MGLL: variants seen among roughly 807,000 people sequenced by gnomAD.
MGLL encodes lysophospholipase homolog.
Under a neutral mutation model 29.1 loss-of-function variants are expected in MGLL, and 7 were observed. The ratio of observed to expected loss-of-function variants is 0.24; its 90% CI spans 0.14 to 0.45. The LOEUF (loss-of-function observed/expected upper bound fraction) is 0.45, where lower values mean the gene tolerates loss of function less well. Ranked by LOEUF, MGLL falls within the 20% of genes least tolerant of loss-of-function variation. The pLI, the probability that MGLL is intolerant of heterozygous loss-of-function variation, is 0.99. For missense variants in MGLL, 356 were observed against 413.6 expected (o/e 0.86, Z 1.21); for synonymous variants, 148 against 168.3 (o/e 0.88, Z 0.93).
chr3:127,787,850 C>T (rs535116207), intron 2 of MGLL, among the ~76,000 whole-genome samples: 2 of 152,346 alleles, frequency 1.3e-5, no homozygotes, highest in East Asian at 1.9e-4. Context: ...GCACGTCTGC[C>T]GTCCGGGCTG....
chr3:127,726,137 A>C (rs1379980662), intron 3 of MGLL, among the ~76,000 whole-genome samples: 1 of 24,562 alleles, frequency 4.1e-5, no homozygotes, highest in East Asian at 7.7e-4. Flanking sequence ...AGAAAGAAAG[A>C]AAGAAAGAAA....
intron 2 of MGLL, among the ~76,000 whole-genome samples, chr3:127,789,546 C>T (rs528031237): frequency 3.3e-5 from 5 of 152,204 alleles, no homozygotes; most frequent in African/African-American, 9.6e-5. Flanking sequence ...CCCATCTCTA[C>T]AAAAACATTT....
intron 2 of MGLL, among the ~76,000 whole-genome samples, chr3:127,821,155 T>C (rs530107402): frequency 6.6e-6 from 1 of 152,340 alleles, no homozygotes; most frequent in East Asian, 1.9e-4. Flanking sequence ...TCCCAATGTT[T>C]GCTTCTAATA....
upstream of MGLL, chr3:127,822,681 A>C: frequency 3.2e-6 from 1 of 310,812 alleles, no homozygotes; most frequent in Non-Finnish European, 6.0e-6. Flanking sequence ...GCAGACGCAC[A>C]AATGCGGGTG....
intron 7 of MGLL, among the ~76,000 whole-genome samples, chr3:127,693,137 T>C (rs561442631): frequency 6.6e-6 from 1 of 152,330 alleles, no homozygotes; most frequent in Admixed American, 6.5e-5. Context: ...CCAGGTGGAC[T>C]CCAGCCGTTG....
At chr3:127,722,625 C>T in intron 3 of MGLL, 59 bp from the exon 4 acceptor site, 1 of 1,610,164 alleles carries the variant, frequency 6.2e-7, no homozygotes, top group African/African-American at 1.3e-5. Flanking sequence ...CCTACACAAG[C>T]CCAGAGTTCT....
chr3:127,809,637 A>AT (rs2077627102), intron 2 of MGLL, among the ~76,000 whole-genome samples: 1 of 109,030 alleles, frequency 9.2e-6, no homozygotes, highest in African/African-American at 3.3e-5. Context: ...TAAAACAACA[A>AT]TAAAAAAAAA....
At position 127,761,834 on chromosome 3, in the gene MGLL, T is replaced by C. The variant is rs117085080; in HGVS notation, c.262+19955A>G. 5.9e-5 allele frequency among the ~76,000 whole-genome samples: 9 copies of C among 152,268 alleles called. No individual in the cohort carries two copies. In the East Asian group the frequency reaches 1.7e-3, roughly 29 times the overall value. ...CATTCTCAAATGCCCAGACAAGCAC[T>C]AAATATGCGTAGTGCACCCAGCGCA... On this transcript the variant is annotated intron_variant, in intron 3 of 7. Coordinates refer to ENST00000265052, the MANE Select transcript of MGLL (RefSeq NM_007283.7). This position sits in a 1 kb window ranked among gnomAD's most constrained non-coding sequence, Gnocchi z 4.6.
At chr3:127,821,383 T>G (rs2077856505) in intron 2 of MGLL, among the ~76,000 whole-genome samples, 1 of 152,156 alleles carries the variant, frequency 6.6e-6, no homozygotes, top group African/African-American at 2.4e-5. Context: ...TGATTTTAAA[T>G]GAATGCCTGT....
At chr3:127,701,918 C>T (rs570480514) in intron 6 of MGLL, among the ~76,000 whole-genome samples, 4 of 152,212 alleles carry the variant, frequency 2.6e-5, no homozygotes, top group African/African-American at 4.8e-5. Flanking sequence ...CAGACACCCT[C>T]GCCAACATCC....
chr3:127,724,983 T>C (rs2076004265), intron 3 of MGLL, among the ~76,000 whole-genome samples: 1 of 152,064 alleles, frequency 6.6e-6, no homozygotes, highest in South Asian at 2.1e-4. Flanking sequence ...GCCAGCTGCA[T>C]CCCCATCCTC....
At chr3:127,789,785 G>A (rs1004683276) in intron 2 of MGLL, among the ~76,000 whole-genome samples, 1 of 152,152 alleles carries the variant, frequency 6.6e-6, no homozygotes, top group Non-Finnish European at 1.5e-5. Context: ...ACCTTTAATA[G>A]AGGCATTTTC....
At chr3:127,801,848 G>A (rs979697034) in intron 2 of MGLL, among the ~76,000 whole-genome samples, 1 of 149,800 alleles carries the variant, frequency 6.7e-6, no homozygotes, top group East Asian at 1.9e-4. Flanking sequence ...TTTCTAGAAA[G>A]GATGAAGCCC....
intron 3 of MGLL, among the ~76,000 whole-genome samples, chr3:127,743,855 C>G (rs374800659): frequency 4.6e-5 from 7 of 152,296 alleles, no homozygotes; most frequent in East Asian, 3.9e-4. Context: ...CCATTTCCTT[C>G]TCTTCTGTTT....
intron 3 of MGLL, among the ~76,000 whole-genome samples, chr3:127,732,568 C>T (rs758938463): frequency 2.6e-5 from 4 of 152,246 alleles, no homozygotes; most frequent in Non-Finnish European, 5.9e-5. Flanking sequence ...ATCTTCCCTA[C>T]ACGCCCAGAC....
intron 3 of MGLL, among the ~76,000 whole-genome samples, chr3:127,731,547 C>CT (rs1261834555): frequency 1.3e-5 from 2 of 152,130 alleles, no homozygotes; most frequent in Non-Finnish European, 2.9e-5. Context: ...TTATCAGACT[C>CT]TCCCCGCTCC....
intron 6 of MGLL, among the ~76,000 whole-genome samples, chr3:127,703,967 A>G (rs1025826305): frequency 5.9e-5 from 9 of 152,196 alleles, no homozygotes; most frequent in Non-Finnish European, 1.3e-4. Context: ...CATGCTACCT[A>G]ACTTCAAACT....
chr3:127,754,452 A>C (rs1318848903), intron 3 of MGLL, among the ~76,000 whole-genome samples: 1 of 151,290 alleles, frequency 6.6e-6, no homozygotes, highest in East Asian at 2.0e-4. Context: ...TGCTCCACGC[A>C]CCTCAACTCT....
chr3:127,809,638 TAA>T (rs35000374), intron 2 of MGLL, among the ~76,000 whole-genome samples: 1,557 of 143,430 alleles, frequency 0.011, 31 homozygotes, highest in South Asian at 0.039. Flanking sequence ...AAAACAACAA[TAA>T]AAAAAAAAAA....
Sources: gnomAD v4.1 joint callset for allele counts (sites outside exome capture counted in the v4.1 genomes callset) on GRCh38, gnomAD v4.1.1 for gene constraint, Gnocchi (gnomAD v3.1) non-coding constraint, MANE v1.5 for transcripts, NCBI Gene and HGNC (gene_info 2026-07-23, HGNC 2026-07-21) for gene names.